IMPG1: variants seen among roughly 807,000 people sequenced by gnomAD.
The protein encoded by IMPG1 is interphotoreceptor matrix proteoglycan of 150 kDa.
IMPG1 carries 85 observed loss-of-function variants against 92.0 expected under a neutral mutation model. The ratio of observed to expected loss-of-function variants is 0.92; its 90% CI spans 0.78 to 1.11. The LOEUF (loss-of-function observed/expected upper bound fraction) is 1.11. IMPG1 is among the 50% of genes least tolerant of loss of function. The probability of loss-of-function intolerance (pLI) is 0.00; values close to 1 mark genes in which losing one functional copy is unlikely to be tolerated. For synonymous variants in IMPG1, 367 were observed against 334.1 expected, an observed-to-expected ratio of 1.10 and a Z score of -1.08; for missense variants, 1,022 against 956.0, an observed-to-expected ratio of 1.07 and a Z score of -0.91.
intron 1 of IMPG1, among the ~76,000 whole-genome samples, chr6:76,069,608 C>G (rs1056492005): frequency 6.6e-6 from 1 of 152,092 alleles, no homozygotes; most frequent in African/African-American, 2.4e-5. Flanking sequence ...TTTGACCCAG[C>G]AATCCCATTA....
intron 16 of IMPG1, among the ~76,000 whole-genome samples, chr6:75,922,860 A>T (rs1263721837): frequency 1.3e-5 from 2 of 152,028 alleles, no homozygotes; most frequent in Non-Finnish European, 2.9e-5. Flanking sequence ...TATCCTTATC[A>T]TATATTAACT....
intron 1 of IMPG1, among the ~76,000 whole-genome samples, chr6:76,042,536 G>A (rs1208206182): frequency 6.6e-6 from 1 of 152,140 alleles, no homozygotes; most frequent in Admixed American, 6.6e-5. Flanking sequence ...GAAGTGGAGT[G>A]CTTCTAAAAA....
intron 1 of IMPG1, among the ~76,000 whole-genome samples, chr6:76,060,435 T>C (rs958684380): frequency 6.6e-6 from 1 of 152,180 alleles, no homozygotes; most frequent in Non-Finnish European, 1.5e-5. Flanking sequence ...TTTCCATATA[T>C]GAATTCTCAT....
At position 75,923,654 on chromosome 6, in the gene IMPG1, G is replaced by T; in HGVS notation, c.2296C>A (p.Gln766Lys). The T allele has an allele frequency of 6.3e-7, 1 of 1,576,408 alleles. No individual in the cohort carries two copies. The highest frequency in any genetic ancestry group is 8.7e-7 in the Non-Finnish European group (1 of 1,147,718). The change falls in exon 16 of 17, where the codon CAA becomes AAA. Residue 766 changes from glutamine to lysine, a missense_variant. Transcript: ENST00000369950. ...TTTACCTTGTTATTTTGTTGATTTT[G>T]GAACTTTTTAACACTAGTTTTGTAT... ...QAYKTSVKKFQNQQNNKVISK... is the reference protein window; with the variant it reads ...QAYKTSVKKFKNQQNNKVISK...
intron 12 of IMPG1, among the ~76,000 whole-genome samples, chr6:75,975,032 C>T (rs1045155537): frequency 6.6e-6 from 1 of 152,206 alleles, no homozygotes; most frequent in African/African-American, 2.4e-5. Context: ...ACAAGTGAAT[C>T]AGAACTAAAA....
At chr6:76,071,807 C>G (rs1405462487) in intron 1 of IMPG1, among the ~76,000 whole-genome samples, 3 of 152,016 alleles carry the variant, frequency 2.0e-5, no homozygotes, top group Non-Finnish European at 4.4e-5. Flanking sequence ...CATTATTTTT[C>G]TTAAAACATC....
At chr6:75,933,154 A>G (rs1267554252) in intron 14 of IMPG1, among the ~76,000 whole-genome samples, 1 of 152,212 alleles carries the variant, frequency 6.6e-6, no homozygotes. Flanking sequence ...AAAGCTTGGA[A>G]AGAAGGGGGC....
chr6:76,042,933 C>T (rs968036758), intron 1 of IMPG1, among the ~76,000 whole-genome samples: 3 of 152,092 alleles, frequency 2.0e-5, no homozygotes, highest in Admixed American at 1.3e-4. Flanking sequence ...ACCTCATATC[C>T]TCACAAAAGC....
intron 12 of IMPG1, among the ~76,000 whole-genome samples, chr6:75,999,633 T>C (rs1782953468): frequency 6.6e-6 from 1 of 152,204 alleles, no homozygotes; most frequent in South Asian, 2.1e-4. Context: ...TGTTTCCCAG[T>C]TAGGGTTTCC....
At chr6:76,057,764 G>T (rs954445929) in intron 1 of IMPG1, among the ~76,000 whole-genome samples, 1 of 152,040 alleles carries the variant, frequency 6.6e-6, no homozygotes, top group Non-Finnish European at 1.5e-5. Flanking sequence ...ATTATAATGA[G>T]CTGGGCTAAA....
In IMPG1 at chr6:75,974,396, CTTTCT is replaced by C. The variant is rs1562354869; in HGVS notation, c.1292-23307_1292-23303del. 8.2e-4 allele frequency among the ~76,000 whole-genome samples: 81 copies of C among 98,324 alleles called. 1 individual carries two copies. Among genetic ancestry groups the C allele is most frequent in the African/African-American group, 2.9e-3 (75 of 25,768 alleles). The allele number at this position is 98,324 out of a possible 152,430, so 64.5% of individuals were successfully genotyped here. A position where few individuals can be genotyped will look rare whatever the true frequency, so the allele number is the denominator to read the frequency against. ...CTTTCTTTCTTTCTTTCTTTCTTTT[CTTTCT>C]TTCCTTCCTTCCTTCCTTCCTTCCT... On this transcript the variant is annotated intron_variant, in intron 12 of 16. Coordinates refer to ENST00000369950, the MANE Select transcript of IMPG1 (RefSeq NM_001563.4).
At chr6:76,018,438 T>C (rs559554472) in intron 7 of IMPG1, among the ~76,000 whole-genome samples, 4 of 152,332 alleles carry the variant, frequency 2.6e-5, no homozygotes, top group Non-Finnish European at 5.9e-5. Flanking sequence ...CAATTTAATA[T>C]TTTTGGACTA....
intron 12 of IMPG1, among the ~76,000 whole-genome samples, chr6:75,968,467 A>G (rs976326126): frequency 1.3e-5 from 2 of 150,452 alleles, no homozygotes; most frequent in African/African-American, 5.0e-5. Flanking sequence ...TTGTGAAGAT[A>G]CTTCTATCTA....
At chr6:75,939,966 G>A (rs1005813057) in intron 14 of IMPG1, among the ~76,000 whole-genome samples, 23 of 152,174 alleles carry the variant, frequency 1.5e-4, no homozygotes, top group African/African-American at 5.3e-4. Context: ...AAAGCATTCT[G>A]ATGACCTTTG....
intron 1 of IMPG1, among the ~76,000 whole-genome samples, chr6:76,066,999 C>T (rs1358051465): frequency 4.6e-5 from 7 of 151,692 alleles, no homozygotes; most frequent in South Asian, 4.2e-4. Flanking sequence ...TTGAAACTTA[C>T]GAAAATAGAG....
chr6:76,055,172 A>T (rs1404889291), intron 1 of IMPG1, among the ~76,000 whole-genome samples: 1 of 152,084 alleles, frequency 6.6e-6, no homozygotes, highest in Non-Finnish European at 1.5e-5. Flanking sequence ...CTGTACTAAA[A>T]TTCAAATCTG....
At chr6:75,946,604 A>G (rs77551277) in intron 14 of IMPG1, among the ~76,000 whole-genome samples, 1,777 of 152,216 alleles carry the variant, frequency 0.012, 35 homozygotes, top group African/African-American at 0.041. Context: ...GCTGGTTACA[A>G]TGGTGCACAC....
intron 12 of IMPG1, among the ~76,000 whole-genome samples, chr6:75,966,390 A>G (rs988054883): frequency 6.6e-6 from 1 of 152,168 alleles, no homozygotes; most frequent in Non-Finnish European, 1.5e-5. Flanking sequence ...GAGGACTCCC[A>G]TGTCATGAAT....
At chr6:75,980,298 A>T (rs1032111625) in intron 12 of IMPG1, among the ~76,000 whole-genome samples, 3 of 152,228 alleles carry the variant, frequency 2.0e-5, no homozygotes, top group African/African-American at 7.2e-5. Context: ...TGAGGTTTAA[A>T]GGTATATCAG....
Sources: allele counts gnomAD v4.1 joint callset (sites outside exome capture counted in the v4.1 genomes callset), GRCh38; gene constraint gnomAD v4.1.1; transcripts MANE v1.5; gene names NCBI Gene and HGNC (gene_info 2026-07-23, HGNC 2026-07-21).